RIMS2: variants seen among roughly 807,000 people sequenced by gnomAD.
RIMS2 encodes the protein regulating synaptic membrane exocytosis protein 2.
RIMS2 carries 59 observed loss-of-function variants against 174.4 expected under a neutral mutation model. The observed-to-expected ratio is 0.34, with a 90% CI of 0.27 to 0.42. RIMS2 has a LOEUF of 0.42. RIMS2 is among the 10% of genes least tolerant of loss of function. RIMS2 has a pLI of 1.00. For synonymous variants in RIMS2, 606 were observed against 572.5 expected (o/e 1.06, Z -0.84); for missense variants, 1,620 against 1,666.3 (o/e 0.97, Z 0.48).
intron 19 of RIMS2, among the ~76,000 whole-genome samples, chr8:104,173,785 T>C (rs935153691): frequency 8.0e-5 from 12 of 150,852 alleles, no homozygotes; most frequent in South Asian, 2.1e-4. Flanking sequence ...CCCGCCACCA[T>C]GCCTGGCTAA....
intron 3 of RIMS2, among the ~76,000 whole-genome samples, chr8:103,797,495 A>G (rs2098557739): frequency 6.6e-6 from 1 of 152,136 alleles, no homozygotes; most frequent in African/African-American, 2.4e-5. Flanking sequence ...CATATCTTTT[A>G]CTTGTTACAA....
intron 1 of RIMS2, among the ~76,000 whole-genome samples, chr8:103,515,089 T>G (rs983451969): frequency 1.3e-5 from 2 of 152,216 alleles, no homozygotes; most frequent in Non-Finnish European, 2.9e-5. Flanking sequence ...CAGTGACAAT[T>G]ATAATGTTGA....
chr8:104,081,207 G>A (rs1380637691), intron 19 of RIMS2, among the ~76,000 whole-genome samples: 1 of 151,884 alleles, frequency 6.6e-6, no homozygotes, highest in Non-Finnish European at 1.5e-5. Context: ...ACAGTCTCCA[G>A]GGTCCAGTCA....
At chr8:103,610,851 C>T (rs566451699) in intron 1 of RIMS2, among the ~76,000 whole-genome samples, 8 of 152,142 alleles carry the variant, frequency 5.3e-5, no homozygotes, top group South Asian at 2.1e-4. Flanking sequence ...AGAATGAGTT[C>T]GAGAGGAGTT....
intron 1 of RIMS2, among the ~76,000 whole-genome samples, chr8:103,547,357 C>A (rs1845600671): frequency 2.0e-5 from 3 of 152,086 alleles, no homozygotes; most frequent in South Asian, 4.2e-4. Context: ...GAAAAAAAAT[C>A]GCTGAAAACC....
At chr8:104,176,787 C>T (rs561672036) in intron 19 of RIMS2, among the ~76,000 whole-genome samples, 29 of 151,752 alleles carry the variant, frequency 1.9e-4, no homozygotes, top group African/African-American at 5.6e-4. Context: ...ATTTTTTCCA[C>T]GAGGCCTTCT....
At chr8:103,924,426 C>T (rs944097263) in intron 10 of RIMS2, among the ~76,000 whole-genome samples, 4 of 151,568 alleles carry the variant, frequency 2.6e-5, no homozygotes, top group South Asian at 2.1e-4. Context: ...TATATTTAAT[C>T]CTGTCTCTAT....
At chr8:104,238,251 G>T (rs1422940438) in intron 19 of RIMS2, among the ~76,000 whole-genome samples, 9 of 151,968 alleles carry the variant, frequency 5.9e-5, no homozygotes, top group Non-Finnish European at 1.5e-5. Flanking sequence ...TGAACAATGA[G>T]AACACAGGGA....
In RIMS2 at chr8:103,785,483, T is replaced by C. The variant is rs538046883; in HGVS notation, c.698+18946T>C. On this transcript the variant is annotated intron_variant, in intron 3 of 23. Coordinates refer to ENST00000504942, the Ensembl canonical transcript of RIMS2. ...TATTGAGAGTTTTTAGCATGAAGGG[T>C]TGTTGAATTTTGTCAAAGGCTTTTT... Among the ~76,000 whole-genome samples the C allele has an allele frequency of 1.5e-3, 226 of 152,016 alleles. 1 individual carries two copies. The highest frequency in any genetic ancestry group is 3.3e-3 in the South Asian group (16 of 4,802).
At chr8:103,847,199 T>C (rs2098972280) in intron 3 of RIMS2, among the ~76,000 whole-genome samples, 1 of 152,128 alleles carries the variant, frequency 6.6e-6, no homozygotes, top group Admixed American at 6.6e-5. Flanking sequence ...ATTTCCCAAG[T>C]GGATAACTGG....
intron 3 of RIMS2, among the ~76,000 whole-genome samples, chr8:103,853,564 G>T (rs553048274): frequency 8.7e-4 from 132 of 152,162 alleles, no homozygotes; most frequent in Non-Finnish European, 1.6e-3. Flanking sequence ...TTTGCATATG[G>T]TGAAAGGTCA....
chr8:104,113,554 C>T (rs2098230231), intron 19 of RIMS2, among the ~76,000 whole-genome samples: 1 of 151,872 alleles, frequency 6.6e-6, no homozygotes, highest in Non-Finnish European at 1.5e-5. Context: ...ATATGTTTCA[C>T]GGTTCTTAAA....
At chr8:104,101,372 AC>A (rs1329953880) in intron 19 of RIMS2, among the ~76,000 whole-genome samples, 1 of 151,226 alleles carries the variant, frequency 6.6e-6, no homozygotes, top group Non-Finnish European at 1.5e-5. Flanking sequence ...CAAGTGATCC[AC>A]CCGCCTCGGC....
chr8:104,217,303 T>G (rs2099134827), intron 19 of RIMS2, among the ~76,000 whole-genome samples: 1 of 152,078 alleles, frequency 6.6e-6, no homozygotes, highest in African/African-American at 2.4e-5. Context: ...GGGTCCTGCT[T>G]TGTTACCCAG....
In RIMS2 at chr8:103,911,122, T is replaced by C. The variant is rs1314647675; in HGVS notation, c.1692+921T>C. 2.0e-5 allele frequency among the ~76,000 whole-genome samples: 3 copies of C among 152,202 alleles called. No homozygotes were observed. The East Asian group carries it at 5.8e-4, about 29-fold the overall frequency. On this transcript the variant is annotated intron_variant, in intron 5 of 23. Coordinates refer to ENST00000504942, the Ensembl canonical transcript of RIMS2. ...TTAGGATAGTGGGACTTTTGATATC[T>C]TTTTACAATATAGATGTAATTGACT...
chr8:103,519,151 A>G (rs937901626), intron 1 of RIMS2, among the ~76,000 whole-genome samples: 2 of 152,050 alleles, frequency 1.3e-5, no homozygotes, highest in Admixed American at 6.6e-5. Context: ...CATAAGGGAG[A>G]TATGTATAGA....
At chr8:103,931,119 A>G in intron 11 of RIMS2, 144 bp from the exon 14 acceptor site, 1 of 547,384 alleles carries the variant, frequency 1.8e-6, no homozygotes, top group Non-Finnish European at 3.1e-6. Flanking sequence ...ATATCCTTTT[A>G]TTTTAACTAG....
chr8:103,682,493 T>C (rs777738503), intron 1 of RIMS2, among the ~76,000 whole-genome samples: 15 of 152,104 alleles, frequency 9.9e-5, no homozygotes, highest in Non-Finnish European at 1.6e-4. Flanking sequence ...ATGGAAGCCA[T>C]TGATAAATTT....
chr8:103,946,246 C>T (rs908971261), intron 14 of RIMS2, among the ~76,000 whole-genome samples: 2 of 152,134 alleles, frequency 1.3e-5, no homozygotes, highest in African/African-American at 2.4e-5. Flanking sequence ...AATCCCAGCA[C>T]TTTGGGAGGC....
Sources: allele counts gnomAD v4.1 joint callset (sites outside exome capture counted in the v4.1 genomes callset), GRCh38; gene constraint gnomAD v4.1.1; transcripts MANE v1.5; gene names NCBI Gene and HGNC (gene_info 2026-07-23, HGNC 2026-07-21).